Variants in MANEA observed in about 807,000 individuals in gnomAD.
MANEA encodes glycoprotein endo-alpha-1,2-mannosidase.
A neutral mutation model predicts 36.8 loss-of-function variants in MANEA; 25 were observed. The observed-to-expected ratio is 0.68, with a 90% confidence interval of 0.50 to 0.95. The LOEUF (loss-of-function observed/expected upper bound fraction) is 0.95. MANEA is among the 40% of genes least tolerant of loss of function. The pLI, the probability that MANEA is intolerant of heterozygous loss-of-function variation, is 0.00. For synonymous variants in MANEA, 198 were observed against 188.5 expected, an observed-to-expected ratio of 1.05 and a Z score of -0.41; for missense variants, 565 against 558.8, an observed-to-expected ratio of 1.01 and a Z score of -0.11.
At chr6:95,597,475 A>G (rs1008711078) in intron 3 of MANEA, among the ~76,000 whole-genome samples, 1 of 152,096 alleles carries the variant, frequency 6.6e-6, no homozygotes, top group Non-Finnish European at 1.5e-5. Context: ...CTGAATAGCA[A>G]GTAAATAAGC....
At position 95,606,069 on chromosome 6, in the gene MANEA, A is replaced by G. The variant is rs1050822748; in HGVS notation, c.1053A>G (p.Ile351Met). 1.9e-6 allele frequency: 3 copies of G among 1,613,892 alleles called. No individual in the cohort carries two copies. The highest frequency in any genetic ancestry group is 2.5e-6 in the Non-Finnish European group (3 of 1,179,938). The part of the protein sequence containing the change: ...LKLFCDKYNL[I>M]FIPSVGPGYI... ...TATTTTGTGATAAATACAACTTAATATTTATCCCAAGTGTGGGCCCAGGAT... is the reference window on the plus strand; with the variant it reads ...TATTTTGTGATAAATACAACTTAATGTTTATCCCAAGTGTGGGCCCAGGAT... Residue 351 changes from isoleucine (I) to methionine (M), a missense_variant, in exon 5 of 5, where the codon ATA becomes ATG. Coordinates refer to ENST00000358812, the MANE Select transcript of MANEA (RefSeq NM_024641.4).
At chr6:95,592,630 G>A (rs1769404581) in intron 2 of MANEA, among the ~76,000 whole-genome samples, 1 of 152,112 alleles carries the variant, frequency 6.6e-6, no homozygotes, top group Non-Finnish European at 1.5e-5. Flanking sequence ...CACATAACAA[G>A]TTTTCTGGGG....
In MANEA at chr6:95,606,233, A is replaced by T. The variant is rs983503019; in HGVS notation, c.1217A>T (p.His406Leu). 1.2e-6 allele frequency: 2 copies of T among 1,613,888 alleles called. No homozygotes were observed. The highest frequency in any genetic ancestry group is 2.2e-5 in the East Asian group (1 of 44,874). The change falls in exon 5 of 5, where the codon CAT becomes CTT. Residue 406 changes from histidine to leucine, a missense_variant. By Grantham distance (99) the His-to-Leu change is moderately conservative (BLOSUM62 -3). Coordinates refer to ENST00000358812, the MANE Select transcript of MANEA (RefSeq NM_024641.4). ...TCTATCACCTCTTTTAATGAGTGGC[A>T]TGAAGGAACTCAGATTGAAAAAGCT... ...LISITSFNEW[H>L]EGTQIEKAVP...
intron 2 of MANEA, chr6:95,590,104 G>C (rs1443188595): frequency 6.6e-6 from 1 of 152,184 alleles, no homozygotes; most frequent in African/African-American, 2.4e-5. Context: ...ATGTCATCCA[G>C]TCCAATACCT....
intron 1 of MANEA, among the ~76,000 whole-genome samples, chr6:95,580,198 A>C (rs1255054133): frequency 6.6e-6 from 1 of 152,170 alleles, no homozygotes; most frequent in African/African-American, 2.4e-5. Context: ...TAGTCTATAT[A>C]TACACACACA....
At chr6:95,581,041 C>T (rs1769170054) in intron 1 of MANEA, among the ~76,000 whole-genome samples, 1 of 152,112 alleles carries the variant, frequency 6.6e-6, no homozygotes, top group South Asian at 2.1e-4. Flanking sequence ...TAATTTCATC[C>T]TCACAAAAAT....
At chr6:95,583,800 ATTCTT>A (rs1443299422) in intron 1 of MANEA, among the ~76,000 whole-genome samples, 1 of 152,168 alleles carries the variant, frequency 6.6e-6, no homozygotes, top group Non-Finnish European at 1.5e-5. Flanking sequence ...CTTTTATACT[ATTCTT>A]TTATGTTATT....
Position 95,599,709 on chromosome 6 carries a change from A to C in MANEA, c.654+2863A>C, listed in dbSNP as rs181393106. On this transcript the variant is annotated intron_variant, in intron 3 of 4. Coordinates refer to ENST00000358812, the MANE Select transcript of MANEA (RefSeq NM_024641.4). ...TATTGGAGAATAGAAATGGAACTGT[A>C]GGGAGTGAGAAAGAGCTAAATAGGC... 3.3e-4 allele frequency among the ~76,000 whole-genome samples: 50 copies of C among 152,332 alleles called. 1 individual carries two copies. The highest frequency in any genetic ancestry group is 3.4e-3 in the Middle Eastern group (1 of 294).
rs1444801296 is a variant in MANEA, at chr6:95,607,726, A to ATTT, written c.*1322_*1323insTTT. ...TAAATCTCCTTAAAAACTAAATAAAATGCACTGTATTCTTACAGTTAATGT... is the reference window on the plus strand; with the variant it reads ...TAAATCTCCTTAAAAACTAAATAAAATTTTGCACTGTATTCTTACAGTTAATGT... On this transcript the variant is annotated 3_prime_UTR_variant, in exon 5 of 5. Coordinates refer to ENST00000358812, the MANE Select transcript of MANEA (RefSeq NM_024641.4). The ATTT allele has an allele frequency of 2.6e-5, 4 of 151,706 alleles. No homozygotes were observed. The highest frequency in any genetic ancestry group is 5.9e-5 in the Non-Finnish European group (4 of 67,744). 9.4% of individuals were successfully genotyped at this position (151,706 alleles called of 1,614,324 possible).
Position 95,600,683 on chromosome 6 carries a change from A to G in MANEA, c.654+3837A>G, listed in dbSNP as rs574780632. Among the ~76,000 whole-genome samples the G allele has an allele frequency of 3.3e-5, 5 of 152,318 alleles. No homozygotes were observed. In the South Asian group the frequency reaches 8.3e-4, roughly 25 times the overall value. On this transcript the variant is annotated intron_variant, in intron 3 of 4. Coordinates refer to ENST00000358812, the MANE Select transcript of MANEA (RefSeq NM_024641.4). ...TGATGTTGTAGATTGTGTGCTGACA[A>G]ATTGGAGCCTCCAATGCACATAACT...
At chr6:95,585,513 C>G in intron 1 of MANEA, among the ~76,000 whole-genome samples, 1 of 152,078 alleles carries the variant, frequency 6.6e-6, no homozygotes, top group South Asian at 2.1e-4. Flanking sequence ...GGGGTCTCCC[C>G]GTGGTTGTCC....
At chr6:95,590,065 G>A (rs1297011181) in intron 2 of MANEA, 1 of 152,056 alleles carries the variant, frequency 6.6e-6, no homozygotes, top group Non-Finnish European at 1.5e-5. Flanking sequence ...GCAAGGAAAG[G>A]GATTCTTTCC....
rs1022860215 is a variant in MANEA, at chr6:95,607,449, T to G, written c.*1044T>G. The G allele has an allele frequency of 2.0e-5, 3 of 152,054 alleles. No individual in the cohort carries two copies. The highest frequency in any genetic ancestry group is 2.9e-5 in the Non-Finnish European group (2 of 67,920). The allele number at this position is 152,054 out of a possible 1,614,324, so 9.4% of individuals were successfully genotyped here. A position where few individuals can be genotyped will look rare whatever the true frequency, so the allele number is the denominator to read the frequency against. ...AATAGAGAAAATTTACTTAGCATTT[T>G]AGATTCTAGAGACATGGAAATGAAA... On this transcript the variant is annotated 3_prime_UTR_variant, in exon 5 of 5. Coordinates refer to ENST00000358812, the MANE Select transcript of MANEA (RefSeq NM_024641.4).
At chr6:95,594,422 A>C (rs1022647966) in intron 2 of MANEA, among the ~76,000 whole-genome samples, 1 of 152,176 alleles carries the variant, frequency 6.6e-6, no homozygotes, top group Admixed American at 6.5e-5. Context: ...GTGGTAGATG[A>C]ATTAGGAAAA....
chr6:95,582,984 T>C (rs1769210495), intron 1 of MANEA, among the ~76,000 whole-genome samples: 1 of 152,224 alleles, frequency 6.6e-6, no homozygotes. Context: ...CCATACTTAT[T>C]TATCCAAATT....
chr6:95,585,798 T>G (rs1020871309), intron 1 of MANEA, among the ~76,000 whole-genome samples: 1 of 152,224 alleles, frequency 6.6e-6, no homozygotes, highest in African/African-American at 2.4e-5. Flanking sequence ...ATGACTGGGT[T>G]TTTCATACAC....
chr6:95,586,328 T>C (rs753235735), intron 1 of MANEA, 74 bp from the exon 2 acceptor site: 68 of 822,808 alleles, frequency 8.3e-5, no homozygotes, highest in Non-Finnish European at 1.2e-4. Flanking sequence ...TTATGGATTT[T>C]AGTTTTCGTG....
rs1038109983 is a variant in MANEA at position 95,584,328 on chromosome 6, A to C, written c.-38-2074A>C. The stretch of plus-strand genomic sequence containing the variant: ...TGGACGTGCAAGTAGGAGAGGTATC[A>C]CTAAATTCTTTTCCTAGCAAGGAAC... On this transcript the variant is annotated intron_variant, in intron 1 of 4. Coordinates refer to ENST00000358812, the MANE Select transcript of MANEA (RefSeq NM_024641.4). Among the ~76,000 whole-genome samples, 5 of 152,292 alleles carry C rather than the reference A, an allele frequency of 3.3e-5. 1 individual carries two copies. Among genetic ancestry groups the C allele is most frequent in the Non-Finnish European group, 4.4e-5 (3 of 68,030 alleles).
Position 95,604,848 on chromosome 6 carries a change from T to C in MANEA, c.676T>C (p.Tyr226His), listed in dbSNP as rs1582231598. Residue 226 changes from tyrosine (Y) to histidine (H), a missense_variant, in exon 4 of 5, where the codon TAT becomes CAT. Tyr to His is a moderately conservative substitution (Grantham distance 83). Transcript: ENST00000358812. ...TTAGGTTACTTTTCACATAGAACCA[T>C]ATAGCAATCGAGATGATCAAAACAT... ...NLKVTFHIEP[Y>H]SNRDDQNMYK... 1 of 1,483,322 alleles carries C rather than the reference T, an allele frequency of 6.7e-7. No individual in the cohort carries two copies. The highest frequency in any genetic ancestry group is 9.1e-7 in the Non-Finnish European group (1 of 1,095,668). 91.9% of individuals were successfully genotyped at this position (1,483,322 alleles called of 1,614,324 possible).
Sources: gnomAD v4.1 joint callset for allele counts (sites outside exome capture counted in the v4.1 genomes callset) on GRCh38, gnomAD v4.1.1 for gene constraint, MANE v1.5 for transcripts, NCBI Gene and HGNC (gene_info 2026-07-23, HGNC 2026-07-21) for gene names.